LIN28B: variants seen among roughly 807,000 people sequenced by gnomAD.
LIN28B encodes the protein protein lin-28 homolog B.
In LIN28B, 5 loss-of-function variants were observed where a neutral mutation model predicts 21.9. That is an observed-to-expected ratio of 0.23 (90% confidence interval 0.12 to 0.48). LIN28B has a LOEUF of 0.48. LIN28B is among the 20% of genes least tolerant of loss of function. The pLI is 0.98. For synonymous variants in LIN28B, 109 were observed against 111.3 expected, an observed-to-expected ratio of 0.98 and a Z score of 0.13; for missense variants, 245 against 310.5, an observed-to-expected ratio of 0.79 and a Z score of 1.58.
At chr6:105,021,981 A>G (rs1198734371) in intron 2 of LIN28B, among the ~76,000 whole-genome samples, 3 of 152,270 alleles carry the variant, frequency 2.0e-5, no homozygotes, top group South Asian at 2.1e-4. Flanking sequence ...CAGTTTTACT[A>G]ATGGAGGGAT....
intron 2 of LIN28B, among the ~76,000 whole-genome samples, chr6:105,000,571 C>G (rs1234539998): frequency 6.6e-6 from 1 of 151,690 alleles, no homozygotes; most frequent in Non-Finnish European, 1.5e-5. Context: ...TTCAAGAGAC[C>G]TTTTTATATA....
upstream of LIN28B, among the ~76,000 whole-genome samples, chr6:104,953,012 C>T (rs767821162): frequency 1.1e-3 from 169 of 152,346 alleles, 3 homozygotes; most frequent in Middle Eastern, 6.8e-3. Context: ...TCGGGCGCGC[C>T]TTGCATTTGT....
At chr6:104,956,507 A>G (rs1170694025), upstream of LIN28B, among the ~76,000 whole-genome samples, 2 of 152,190 alleles carry the variant, frequency 1.3e-5, no homozygotes, top group African/African-American at 2.4e-5. Flanking sequence ...ATTTGAAAAA[A>G]TTTCGGGCAT....
At chr6:105,060,568 C>G (rs1772106278) in intron 3 of LIN28B, among the ~76,000 whole-genome samples, 1 of 152,172 alleles carries the variant, frequency 6.6e-6, no homozygotes, top group Non-Finnish European at 1.5e-5. Flanking sequence ...CGATCTGTGA[C>G]ATGGCATGAA....
intron 2 of LIN28B, among the ~76,000 whole-genome samples, chr6:104,997,799 TC>T (rs996885404): frequency 1.3e-5 from 2 of 152,128 alleles, no homozygotes; most frequent in Non-Finnish European, 2.9e-5. Context: ...GGCTGACACT[TC>T]CGGGTTTATA....
chr6:104,958,374 G>A, intron 2 of LIN28B, 88 bp downstream of exon 2: 1 of 1,077,702 alleles, frequency 9.3e-7, no homozygotes, highest in Non-Finnish European at 1.3e-6. Context: ...ACGATAAGAT[G>A]TCCTTCGGTA....
intron 2 of LIN28B, among the ~76,000 whole-genome samples, chr6:104,961,393 C>T (rs781297881): frequency 1.3e-5 from 2 of 151,758 alleles, no homozygotes; most frequent in African/African-American, 2.4e-5. Flanking sequence ...AAATTTGTTA[C>T]GTCTAAATTC....
intron 2 of LIN28B, among the ~76,000 whole-genome samples, chr6:104,963,752 G>T (rs1769801345): frequency 6.6e-6 from 1 of 152,128 alleles, no homozygotes; most frequent in African/African-American, 2.4e-5. Flanking sequence ...ATCACACAGA[G>T]TCCATAGTTT....
At chr6:104,992,125 G>A (rs1004132183) in intron 2 of LIN28B, among the ~76,000 whole-genome samples, 12 of 151,714 alleles carry the variant, frequency 7.9e-5, no homozygotes, top group Non-Finnish European at 1.5e-4. Context: ...GAGTTCATGC[G>A]ATCTCGGCTC....
intron 3 of LIN28B, among the ~76,000 whole-genome samples, chr6:105,054,421 T>C (rs549325349): frequency 1.3e-5 from 2 of 152,368 alleles, no homozygotes; most frequent in East Asian, 3.9e-4. Context: ...ACATAATTTA[T>C]AAGTCCCACA....
At chr6:104,939,572 G>GA (rs1282489338) in intron 2 of LIN28B, 1 of 152,226 alleles carries the variant, frequency 6.6e-6, no homozygotes, top group Non-Finnish European at 1.5e-5. Context: ...TCCCAATCCA[G>GA]AAATTGGAAG....
chr6:104,985,368 A>G (rs1264192894), intron 2 of LIN28B, among the ~76,000 whole-genome samples: 1 of 152,202 alleles, frequency 6.6e-6, no homozygotes, highest in Non-Finnish European at 1.5e-5. Flanking sequence ...AAGGGATATG[A>G]CCTAAATATA....
At chr6:104,981,282 A>G (rs1175710609) in intron 2 of LIN28B, among the ~76,000 whole-genome samples, 1 of 152,148 alleles carries the variant, frequency 6.6e-6, no homozygotes, top group Non-Finnish European at 1.5e-5. Flanking sequence ...TCTGTAGGGA[A>G]TTGATAATCC....
At chr6:104,993,799 C>A (rs1477105703) in intron 2 of LIN28B, among the ~76,000 whole-genome samples, 1 of 144,924 alleles carries the variant, frequency 6.9e-6, no homozygotes, top group Non-Finnish European at 1.5e-5. Flanking sequence ...TGAGTCACTG[C>A]ACTTCCAGCC....
intron 2 of LIN28B, among the ~76,000 whole-genome samples, chr6:104,960,395 AAC>A (rs1218573900): frequency 6.6e-6 from 1 of 152,124 alleles, no homozygotes; most frequent in African/African-American, 2.4e-5. Flanking sequence ...AATTTTAAAA[AAC>A]ATTTTTATTA....
At chr6:105,049,023 C>G (rs1429459428) in intron 3 of LIN28B, among the ~76,000 whole-genome samples, 1 of 152,096 alleles carries the variant, frequency 6.6e-6, no homozygotes, top group Non-Finnish European at 1.5e-5. Flanking sequence ...TCCTTCAGTT[C>G]TGCTCTGATC....
chr6:105,051,374 G>A (rs2114385595), intron 3 of LIN28B, among the ~76,000 whole-genome samples: 1 of 151,562 alleles, frequency 6.6e-6, no homozygotes, highest in South Asian at 2.1e-4. Flanking sequence ...GGGAGGTGGA[G>A]GTTGCAGTGA....
At chr6:105,069,300 T>C (rs1772283761) in intron 3 of LIN28B, among the ~76,000 whole-genome samples, 1 of 152,162 alleles carries the variant, frequency 6.6e-6, no homozygotes, top group Admixed American at 6.6e-5. Flanking sequence ...ACTAAACAAA[T>C]TTATATGCTG....
At chr6:104,948,960 T>A (rs753850365) in intron 2 of LIN28B, among the ~76,000 whole-genome samples, 2 of 152,166 alleles carry the variant, frequency 1.3e-5, no homozygotes, top group Non-Finnish European at 2.9e-5. Flanking sequence ...ATAGCATTAT[T>A]TAGCTAACTT....
Sources: gnomAD v4.1 joint callset for allele counts (sites outside exome capture counted in the v4.1 genomes callset) on GRCh38, gnomAD v4.1.1 for gene constraint, MANE v1.5 for transcripts, NCBI Gene and HGNC (gene_info 2026-07-23, HGNC 2026-07-21) for gene names.